Variants in KCNK13 observed in about 807,000 individuals in gnomAD.
The protein encoded by KCNK13 is potassium two pore domain channel subfamily K member 13.
KCNK13 carries 12 observed loss-of-function variants against 23.4 expected under a neutral mutation model. The ratio of observed to expected loss-of-function variants is 0.51; its 90% CI spans 0.33 to 0.83. KCNK13 has a LOEUF of 0.83. Among genes scored for constraint, KCNK13 ranks in the 40% least tolerant of loss-of-function variants. The pLI, the probability that KCNK13 is intolerant of heterozygous loss-of-function variation, is 0.02. For missense variants in KCNK13, 463 were observed against 556.3 expected, an observed-to-expected ratio of 0.83 and a Z score of 1.69; for synonymous variants, 231 against 229.5, an observed-to-expected ratio of 1.01 and a Z score of -0.06.
At chr14:90,165,567 G>A (rs1358087756) in intron 1 of KCNK13, among the ~76,000 whole-genome samples, 1 of 152,226 alleles carries the variant, frequency 6.6e-6, no homozygotes, top group African/African-American at 2.4e-5. Flanking sequence ...ACATGCCTGT[G>A]TTGGTAACAT....
intron 1 of KCNK13, among the ~76,000 whole-genome samples, chr14:90,158,365 G>A (rs948132657): frequency 1.3e-5 from 2 of 152,194 alleles, no homozygotes; most frequent in East Asian, 1.9e-4. Context: ...AAGATTATTC[G>A]TTTATTATCT....
chr14:90,184,917 C>T lies in KCNK13; in HGVS notation c.1141C>T (p.Leu381=), dbSNP rs1410554456. The change falls in exon 2 of 2, where the codon CTG becomes TTG. Residue 381 remains leucine (L), a synonymous_variant. Coordinates refer to ENST00000282146, the MANE Select transcript of KCNK13 (RefSeq NM_022054.4). This position sits in a 1 kb window ranked among gnomAD's most constrained non-coding sequence, Gnocchi z 5.6. The stretch of plus-strand genomic sequence containing the variant: ...CGGCTGCCCCCACCAGACCAGCACA[C>T]TGGCCCGGGACAATGAATTCTCAGG... ...ANGCPHQTST[L]ARDNEFSGGV... 2.5e-6 allele frequency: 4 copies of T among 1,613,584 alleles called. No individual in the cohort carries two copies. The highest frequency in any genetic ancestry group is 1.7e-6 in the Non-Finnish European group (2 of 1,179,868).
intron 1 of KCNK13, among the ~76,000 whole-genome samples, chr14:90,115,897 T>C (rs545587558): frequency 6.6e-6 from 1 of 152,352 alleles, no homozygotes; most frequent in African/African-American, 2.4e-5. Flanking sequence ...TAAGAACCAC[T>C]GCTGTAATGC....
intron 1 of KCNK13, among the ~76,000 whole-genome samples, chr14:90,168,665 G>A (rs981490770): frequency 1.3e-5 from 2 of 152,124 alleles, no homozygotes; most frequent in African/African-American, 4.8e-5. Flanking sequence ...TGGTGATAAG[G>A]CCTAGAAATC....
intron 1 of KCNK13, among the ~76,000 whole-genome samples, chr14:90,107,473 G>A (rs995693873): frequency 4.6e-5 from 7 of 152,116 alleles, no homozygotes; most frequent in African/African-American, 1.2e-4. Context: ...GTGAGACTCC[G>A]TCTCAAAAAA....
chr14:90,109,432 G>A (rs1301482656), intron 1 of KCNK13, among the ~76,000 whole-genome samples: 3 of 135,368 alleles, frequency 2.2e-5, no homozygotes, highest in Non-Finnish European at 3.1e-5. Context: ...TTTTTGAGGC[G>A]GAGTCTTGCT....
chr14:90,120,138 C>T (rs1889720111), intron 1 of KCNK13, among the ~76,000 whole-genome samples: 1 of 152,168 alleles, frequency 6.6e-6, no homozygotes, highest in Non-Finnish European at 1.5e-5. Context: ...CATCATTTAG[C>T]TCCCACTTAT....
intron 1 of KCNK13, among the ~76,000 whole-genome samples, chr14:90,099,701 C>T (rs1049974433): frequency 1.3e-5 from 2 of 152,158 alleles, no homozygotes; most frequent in Non-Finnish European, 1.5e-5. Context: ...AAGCAGCAAG[C>T]CAACAGCCGT....
At chr14:90,064,721 G>T (rs1039984390) in intron 1 of KCNK13, among the ~76,000 whole-genome samples, 1 of 152,220 alleles carries the variant, frequency 6.6e-6, no homozygotes, top group African/African-American at 2.4e-5. Context: ...ATGAGCTCTT[G>T]TAAGTGCGTG....
chr14:90,128,617 C>T (rs576266296), intron 1 of KCNK13, among the ~76,000 whole-genome samples: 1 of 152,298 alleles, frequency 6.6e-6, no homozygotes, highest in East Asian at 1.9e-4. Flanking sequence ...AAGGAATCCT[C>T]TGTGCGTTTC....
Position 90,174,500 on chromosome 14 carries a change from C to T in KCNK13, c.335-9611C>T, listed in dbSNP as rs575338274. On this transcript the variant is annotated intron_variant, in intron 1 of 1. Coordinates refer to ENST00000282146, the MANE Select transcript of KCNK13 (RefSeq NM_022054.4). The stretch of plus-strand genomic sequence containing the variant: ...GGGGACTCAGAGCCAAACCATATCA[C>T]GTAGATTCAAAGATTTTCCAATTTG... 9.9e-5 allele frequency among the ~76,000 whole-genome samples: 15 copies of T among 152,052 alleles called. No individual in the cohort carries two copies. In the South Asian group the frequency reaches 2.1e-3, roughly 21 times the overall value.
In KCNK13 at chr14:90,080,482, A is replaced by C. The variant is rs184847884; in HGVS notation, c.334+17943A>C. On this transcript the variant is annotated intron_variant, in intron 1 of 1. Transcript: ENST00000282146. Reference sequence around the variant, plus strand: ...AATAAATAAATAAATACATTTAAAAAATTGGAAAAAAAGAAGTATGACGCT... The same window carrying C: ...AATAAATAAATAAATACATTTAAAACATTGGAAAAAAAGAAGTATGACGCT... 1.4e-4 allele frequency among the ~76,000 whole-genome samples: 22 copies of C among 152,168 alleles called. No individual in the cohort carries two copies. In the South Asian group the frequency reaches 1.7e-3, roughly 12 times the overall value.
At chr14:90,178,973 T>G (rs1890455259) in intron 1 of KCNK13, among the ~76,000 whole-genome samples, 1 of 152,342 alleles carries the variant, frequency 6.6e-6, no homozygotes, top group East Asian at 1.9e-4. Context: ...TGTTGGATCT[T>G]GATTCATACA....
chr14:90,092,116 G>A (rs1260901893), intron 1 of KCNK13, among the ~76,000 whole-genome samples: 2 of 151,992 alleles, frequency 1.3e-5, no homozygotes, highest in African/African-American at 2.4e-5. Context: ...TAGAGATGGG[G>A]TTTCACCATG....
intron 1 of KCNK13, among the ~76,000 whole-genome samples, chr14:90,135,572 G>A (rs993361716): frequency 2.0e-5 from 3 of 152,176 alleles, no homozygotes; most frequent in Non-Finnish European, 2.9e-5. Context: ...ATTTTCACAG[G>A]CCCGTGGACA....
chr14:90,167,273 A>G (rs1484428654), intron 1 of KCNK13, among the ~76,000 whole-genome samples: 1 of 152,200 alleles, frequency 6.6e-6, no homozygotes, highest in African/African-American at 2.4e-5. Flanking sequence ...GCAGTCATGA[A>G]CCAAAAGCCC....
intron 1 of KCNK13, among the ~76,000 whole-genome samples, chr14:90,114,315 C>G (rs1280107068): frequency 6.6e-6 from 1 of 152,212 alleles, no homozygotes; most frequent in East Asian, 1.9e-4. Flanking sequence ...TTGGACTTCT[C>G]TGGGTGTAGA....
intron 1 of KCNK13, among the ~76,000 whole-genome samples, chr14:90,088,551 A>G (rs1414646623): frequency 6.6e-6 from 1 of 152,132 alleles, no homozygotes; most frequent in African/African-American, 2.4e-5. Context: ...ACCTGAATTC[A>G]CTGTCAACTT....
At chr14:90,098,004 C>T (rs1889432145) in intron 1 of KCNK13, among the ~76,000 whole-genome samples, 1 of 152,130 alleles carries the variant, frequency 6.6e-6, no homozygotes, top group South Asian at 2.1e-4. Flanking sequence ...CTCTCTCTCT[C>T]AGTGTTCCAG....
Sources: gnomAD v4.1 joint callset for allele counts (sites outside exome capture counted in the v4.1 genomes callset) on GRCh38, gnomAD v4.1.1 for gene constraint, Gnocchi (gnomAD v3.1) non-coding constraint, MANE v1.5 for transcripts, NCBI Gene and HGNC (gene_info 2026-07-23, HGNC 2026-07-21) for gene names.